ERO1B: variants seen among roughly 807,000 people sequenced by gnomAD.
The protein encoded by ERO1B is ERO1-like protein beta.
A neutral mutation model predicts 75.3 loss-of-function variants in ERO1B; 49 were observed. The observed-to-expected ratio is 0.65, with a 90% CI of 0.52 to 0.83. ERO1B has a LOEUF of 0.83. ERO1B is among the 40% of genes least tolerant of loss of function. The pLI is 0.00. For synonymous variants in ERO1B, 191 were observed against 192.9 expected, an observed-to-expected ratio of 0.99 and a Z score of 0.08; for missense variants, 512 against 560.1, an observed-to-expected ratio of 0.91 and a Z score of 0.87.
chr1:236,232,325 A>G (rs1664428336), intron 9 of ERO1B, among the ~76,000 whole-genome samples: 1 of 152,242 alleles, frequency 6.6e-6, no homozygotes, highest in African/African-American at 2.4e-5. Context: ...GCCCCTGAAC[A>G]CAGAGAGGTA....
intron 1 of ERO1B, among the ~76,000 whole-genome samples, chr1:236,275,699 C>T (rs149475822): frequency 8.6e-4 from 131 of 152,192 alleles, no homozygotes; most frequent in African/African-American, 3.0e-3. Context: ...TATGTAGGGT[C>T]CCCGTCTTAA....
intron 2 of ERO1B, among the ~76,000 whole-genome samples, chr1:236,267,113 C>T (rs746471945): frequency 3.3e-5 from 5 of 152,106 alleles, no homozygotes; most frequent in Non-Finnish European, 7.3e-5. Context: ...GTCATATGAC[C>T]GTACCTGGAC....
intron 5 of ERO1B, among the ~76,000 whole-genome samples, chr1:236,248,888 G>A (rs1035444602): frequency 1.3e-5 from 2 of 151,812 alleles, no homozygotes; most frequent in Non-Finnish European, 2.9e-5. Context: ...TTGGAATGGA[G>A]GATTATTTAT....
At chr1:236,235,620 C>T (rs1387873247) in intron 8 of ERO1B, among the ~76,000 whole-genome samples, 169 bp downstream of exon 8, 2 of 152,146 alleles carry the variant, frequency 1.3e-5, no homozygotes, top group African/African-American at 4.8e-5. Flanking sequence ...TTATGTAAAA[C>T]AACATGCCTA....
chr1:236,253,847 T>G (rs1665098429), intron 2 of ERO1B, among the ~76,000 whole-genome samples: 1 of 151,988 alleles, frequency 6.6e-6, no homozygotes, highest in Non-Finnish European at 1.5e-5. Flanking sequence ...GGGGGGAAAA[T>G]GGACAGAAAA....
At chr1:236,258,532 G>A (rs1212822466) in intron 2 of ERO1B, among the ~76,000 whole-genome samples, 3 of 152,168 alleles carry the variant, frequency 2.0e-5, no homozygotes, top group East Asian at 1.9e-4. Flanking sequence ...TCTGCCTTAT[G>A]AGAAATGCTA....
chr1:236,245,426 G>A (rs12757667), intron 5 of ERO1B, among the ~76,000 whole-genome samples: 1 of 28,414 alleles, frequency 3.5e-5, no homozygotes, highest in African/African-American at 1.3e-4. Flanking sequence ...ATATATATAC[G>A]TATATATATA....
intron 2 of ERO1B, among the ~76,000 whole-genome samples, chr1:236,265,047 C>CTT (rs35846063): frequency 2.0e-5 from 3 of 147,382 alleles, no homozygotes; most frequent in African/African-American, 5.0e-5. Flanking sequence ...ATTTTTTTCT[C>CTT]TTTTTTTTTT....
At chr1:236,260,083 G>GT (rs34454629) in intron 2 of ERO1B, among the ~76,000 whole-genome samples, 24 of 151,294 alleles carry the variant, frequency 1.6e-4, no homozygotes, top group African/African-American at 4.1e-4. Context: ...TGAAACCAAA[G>GT]TTTTTTTTTA....
chr1:236,257,577 A>C (rs972819401), intron 2 of ERO1B, among the ~76,000 whole-genome samples: 5 of 146,716 alleles, frequency 3.4e-5, no homozygotes, highest in African/African-American at 1.0e-4. Context: ...AAAAAAGAAC[A>C]AGACAATCTC....
At chr1:236,232,787 T>C (rs1486518412) in intron 9 of ERO1B, 41 bp downstream of exon 9, 12 of 1,573,748 alleles carry the variant, frequency 7.6e-6, no homozygotes, top group Non-Finnish European at 1.7e-6. Flanking sequence ...TACAAAAAAT[T>C]TCCTCCACAC....
intron 6 of ERO1B, among the ~76,000 whole-genome samples, chr1:236,241,474 G>A (rs754209512): frequency 1.3e-5 from 2 of 151,964 alleles, no homozygotes; most frequent in Non-Finnish European, 2.9e-5. Context: ...GAACCTAGGA[G>A]ACAGGTTGCA....
chr1:236,225,278 A>C (rs879430254), intron 12 of ERO1B, 139 bp from the exon 13 acceptor site: 23 of 785,018 alleles, frequency 2.9e-5, no homozygotes, highest in Non-Finnish European at 4.5e-5. Context: ...TAATGTAGAA[A>C]AGTGACAAAC....
intron 2 of ERO1B, among the ~76,000 whole-genome samples, chr1:236,269,428 G>A (rs1037959330): frequency 1.3e-5 from 2 of 152,008 alleles, no homozygotes; most frequent in East Asian, 1.9e-4. Flanking sequence ...CATCACTGTC[G>A]GTAGTGGTCT....
chr1:236,255,624 AG>A (rs1353107331), intron 2 of ERO1B, among the ~76,000 whole-genome samples: 2 of 152,176 alleles, frequency 1.3e-5, no homozygotes, highest in African/African-American at 4.8e-5. Context: ...CATAGAGGAG[AG>A]GGTGATCAAC....
intron 2 of ERO1B, among the ~76,000 whole-genome samples, chr1:236,265,952 AC>A (rs1419861099): frequency 6.6e-6 from 1 of 152,164 alleles, no homozygotes; most frequent in Non-Finnish European, 1.5e-5. Flanking sequence ...TTTCCCAAAT[AC>A]TTTCTCTAAT....
chr1:236,226,052 CAA>C (rs1038347763), intron 12 of ERO1B, among the ~76,000 whole-genome samples: 55 of 152,342 alleles, frequency 3.6e-4, no homozygotes, highest in African/African-American at 1.0e-3. Context: ...GCACTATTCT[CAA>C]GTGTGAAAAT....
intron 2 of ERO1B, among the ~76,000 whole-genome samples, chr1:236,269,230 A>T (rs1046631859): frequency 6.6e-6 from 1 of 152,246 alleles, no homozygotes; most frequent in East Asian, 1.9e-4. Context: ...GCGAGACTTC[A>T]TCTCAAAAAT....
At chr1:236,277,647 T>C (rs1166413017) in intron 1 of ERO1B, among the ~76,000 whole-genome samples, 1 of 152,130 alleles carries the variant, frequency 6.6e-6, no homozygotes, top group Non-Finnish European at 1.5e-5. Context: ...AATGGATAGA[T>C]ATGGGTTACT....
Sources: gnomAD v4.1 joint callset for allele counts (sites outside exome capture counted in the v4.1 genomes callset) on GRCh38, gnomAD v4.1.1 for gene constraint, MANE v1.5 for transcripts, NCBI Gene and HGNC (gene_info 2026-07-23, HGNC 2026-07-21) for gene names.